AP1AR: variants seen among roughly 807,000 people sequenced by gnomAD.
The protein encoded by AP1AR is AP-1 complex-associated regulatory protein.
Under a neutral mutation model 46.3 loss-of-function variants are expected in AP1AR, and 29 were observed. The observed-to-expected ratio is 0.63, with a 90% CI of 0.47 to 0.85. The LOEUF is 0.85. Ranked by LOEUF, AP1AR falls within the 40% of genes least tolerant of loss-of-function variation. The probability of loss-of-function intolerance (pLI) is 0.00; values close to 1 mark genes in which losing one functional copy is unlikely to be tolerated. For synonymous variants in AP1AR, 122 were observed against 122.9 expected (o/e 0.99, Z 0.05); for missense variants, 357 against 356.3 (o/e 1.00, Z -0.02).
intron 1 of AP1AR, among the ~76,000 whole-genome samples, chr4:112,235,274 T>A (rs1725191763): frequency 6.6e-6 from 1 of 152,258 alleles, no homozygotes. Context: ...CTTTCTCAGA[T>A]AGAAGACCCA....
intron 2 of AP1AR, among the ~76,000 whole-genome samples, chr4:112,253,569 A>C (rs899721639): frequency 2.0e-5 from 3 of 152,192 alleles, no homozygotes; most frequent in African/African-American, 7.2e-5. Flanking sequence ...CTGCCCCAGC[A>C]GGGGGGAGTC....
Position 112,269,679 on chromosome 4 carries a change from C to A in AP1AR, c.*1270C>A, listed in dbSNP as rs1726869599. On this transcript the variant is annotated 3_prime_UTR_variant, in exon 10 of 10. Coordinates refer to ENST00000274000, the MANE Select transcript of AP1AR (RefSeq NM_018569.6). The stretch of plus-strand genomic sequence containing the variant: ...TCTTGCTGTGCTTAAAAAAAAAAAT[C>A]ATGTGGCCCTTTCAATATTTGAACT... 6.6e-6 allele frequency: 1 copy of A among 151,410 alleles called. No individual in the cohort carries two copies. The highest frequency in any genetic ancestry group is 1.5e-5 in the Non-Finnish European group (1 of 67,692). 9.4% of individuals were successfully genotyped at this position (151,410 alleles called of 1,614,324 possible).
intron 8 of AP1AR, 127 bp downstream of exon 8, chr4:112,265,934 C>T: frequency 1.7e-6 from 1 of 597,752 alleles, no homozygotes; most frequent in East Asian, 3.0e-5. Context: ...GGTCAATTTC[C>T]TAGGTAGTCA....
At chr4:112,252,452 A>C (rs1401620881) in intron 1 of AP1AR, among the ~76,000 whole-genome samples, 4 of 152,210 alleles carry the variant, frequency 2.6e-5, no homozygotes, top group African/African-American at 9.6e-5. Context: ...ATCTCCTGGC[A>C]CTTCCAGTTA....
At chr4:112,260,234 T>C (rs1290563060) in intron 4 of AP1AR, among the ~76,000 whole-genome samples, 1 of 152,276 alleles carries the variant, frequency 6.6e-6, no homozygotes, top group East Asian at 1.9e-4. Context: ...TCTGCCTTGG[T>C]GTCCATATTG....
intron 1 of AP1AR, among the ~76,000 whole-genome samples, chr4:112,239,874 C>T (rs569297554): frequency 1.3e-5 from 2 of 152,334 alleles, no homozygotes; most frequent in East Asian, 3.9e-4. Flanking sequence ...TCCAGTGTAC[C>T]AGCGGTGCTT....
intron 1 of AP1AR, among the ~76,000 whole-genome samples, chr4:112,235,647 A>G (rs958927536): frequency 5.9e-5 from 9 of 152,172 alleles, no homozygotes. Flanking sequence ...TTGAAAACTG[A>G]AACTTAGAAA....
intron 5 of AP1AR, among the ~76,000 whole-genome samples, chr4:112,261,098 T>C (rs905920865): frequency 6.6e-6 from 1 of 152,298 alleles, no homozygotes; most frequent in East Asian, 1.9e-4. Flanking sequence ...AATAATTTCT[T>C]AATTCACAAA....
At chr4:112,259,783 G>C (rs888078516) in intron 4 of AP1AR, among the ~76,000 whole-genome samples, 1 of 152,186 alleles carries the variant, frequency 6.6e-6, no homozygotes, top group Non-Finnish European at 1.5e-5. Context: ...TGGTGAGTGA[G>C]TCAAGAGTGT....
intron 1 of AP1AR, among the ~76,000 whole-genome samples, chr4:112,233,409 G>A (rs1171397486): frequency 2.6e-5 from 4 of 152,330 alleles, no homozygotes; most frequent in African/African-American, 4.8e-5. Flanking sequence ...AGTGGGACAT[G>A]ACAGTTGTTT....
At position 112,265,756 on chromosome 4, in the gene AP1AR, G is replaced by A. The variant is rs754855886; in HGVS notation, c.463G>A (p.Glu155Lys). 10 of 1,609,548 alleles carry A rather than the reference G, an allele frequency of 6.2e-6. No homozygotes were observed. In the East Asian group the frequency reaches 6.7e-5, roughly 11 times the overall value. The change falls in exon 8 of 10, where the codon GAA becomes AAA. Residue 155 changes from glutamate to lysine, a missense_variant. Physicochemically the swap from Glu to Lys is moderately conservative, Grantham distance 56 (BLOSUM62 1). This residue lies in a region of AP1AR where 269 missense variants were observed against 223.6 expected (regional missense o/e 1.20). Coordinates refer to ENST00000274000, the MANE Select transcript of AP1AR (RefSeq NM_018569.6). The part of the protein sequence containing the change: ...YQSSGPEDDF[E>K]SCLRNMKSQY... Reference sequence around the variant, plus strand: ...CAGTTCAGGACCAGAAGATGACTTCGAATCTTGTTTGAGAAATATGAAGTC... The same window carrying A: ...CAGTTCAGGACCAGAAGATGACTTCAAATCTTGTTTGAGAAATATGAAGTC...
At position 112,268,203 on chromosome 4, in the gene AP1AR, G is replaced by C. The variant is rs545718393; in HGVS notation, c.703G>C (p.Ala235Pro). 6.2e-7 allele frequency: 1 copy of C among 1,608,798 alleles called. No individual in the cohort carries two copies. The highest frequency in any genetic ancestry group is 1.3e-5 in the African/African-American group (1 of 74,832). Residue 235 changes from alanine to proline, a missense_variant, in exon 10 of 10, where the codon GCA (alanine) becomes CCA (proline). By Grantham distance (27) the Ala-to-Pro change is conservative. Around this residue, in one of 2 missense-constraint regions of AP1AR, gnomAD observed 88 missense variants for 132.7 expected, o/e 0.66. Transcript: ENST00000274000. ...RSKTEEDILR[A>P]ALKYSNKKTG... ...CAAAACAGAGGAAGACATTCTACGG[G>C]CAGCACTTAAGTATAGCAACAAGAA...
chr4:112,262,707 C>T (rs967340055), intron 5 of AP1AR, among the ~76,000 whole-genome samples: 3 of 152,184 alleles, frequency 2.0e-5, no homozygotes, highest in African/African-American at 7.2e-5. Flanking sequence ...ATGAAGATCA[C>T]TGCAGATTCT....
chr4:112,236,400 C>CTT (rs35720859), intron 1 of AP1AR, among the ~76,000 whole-genome samples: 85,611 of 143,108 alleles, frequency 0.6, 26,817 homozygotes, highest in East Asian at 0.8. Flanking sequence ...ATTTCTAAGT[C>CTT]TTTTTTTTTT....
At chr4:112,238,723 G>T (rs1212244139) in intron 1 of AP1AR, among the ~76,000 whole-genome samples, 2 of 151,984 alleles carry the variant, frequency 1.3e-5, no homozygotes, top group East Asian at 3.8e-4. Flanking sequence ...CTTTTCCTGG[G>T]TAATGGTACT....
rs1404707977 is a variant in AP1AR, at chr4:112,269,949, T to C, written c.*1540T>C. On this transcript the variant is annotated 3_prime_UTR_variant, in exon 10 of 10. Transcript: ENST00000274000. The stretch of plus-strand genomic sequence containing the variant: ...TTTTTGGTTTGGCATAAGCTACGAT[T>C]GTAATTTTTCTTGGCTTTTTGTTCA... 2 of 152,602 alleles carry C rather than the reference T, an allele frequency of 1.3e-5. No homozygotes were observed. Among genetic ancestry groups the C allele is most frequent in the African/African-American group, 4.8e-5 (2 of 41,462 alleles). The allele number at this position is 152,602 out of a possible 1,614,324, so 9.5% of individuals were successfully genotyped here.
rs1726921695 is a variant in AP1AR at position 112,270,934 on chromosome 4, G to C, written c.*2525G>C. Among the ~76,000 whole-genome samples, 1 of 152,224 alleles carries C rather than the reference G, an allele frequency of 6.6e-6. No homozygotes were observed. On this transcript the variant is annotated 3_prime_UTR_variant, in exon 10 of 10. Transcript: ENST00000274000. Reference sequence around the variant, plus strand: ...GAGAATGGATTGTAAGAAGGCAAGAGTGGATATATAGCACTCCCAATGGAA... The same window carrying C: ...GAGAATGGATTGTAAGAAGGCAAGACTGGATATATAGCACTCCCAATGGAA...
At chr4:112,246,858 T>G (rs772980109) in intron 1 of AP1AR, among the ~76,000 whole-genome samples, 1 of 152,250 alleles carries the variant, frequency 6.6e-6, no homozygotes, top group East Asian at 1.9e-4. Context: ...AGAGTTTGGC[T>G]GAACTCTACC....
In AP1AR at chr4:112,272,712, A is replaced by ATAAT. The variant is rs1481661888; in HGVS notation, c.*4305_*4308dup. 1.3e-5 allele frequency among the ~76,000 whole-genome samples: 2 copies of ATAAT among 152,216 alleles called. No individual in the cohort carries two copies. The highest frequency in any genetic ancestry group is 2.4e-5 in the African/African-American group (1 of 41,446). On this transcript the variant is annotated 3_prime_UTR_variant, in exon 10 of 10. Coordinates refer to ENST00000274000, the MANE Select transcript of AP1AR (RefSeq NM_018569.6). The stretch of plus-strand genomic sequence containing the variant: ...ATAAACTCTTGTTTCTGCCTTAAAT[A>ATAAT]TAATTCTGTCTCTTGGCTGAATTCT...
Sources: allele counts gnomAD v4.1 joint callset (sites outside exome capture counted in the v4.1 genomes callset), GRCh38; gene constraint gnomAD v4.1.1; regional missense constraint gnomAD v4.1.1; transcripts MANE v1.5; gene names NCBI Gene and HGNC (gene_info 2026-07-23, HGNC 2026-07-21).